Variants in SLIT3 observed in about 807,000 individuals in gnomAD.
SLIT3 encodes slit guidance ligand 3.
SLIT3 carries 68 observed loss-of-function variants against 184.0 expected under a neutral mutation model. The ratio of observed to expected loss-of-function variants is 0.37; its 90% CI spans 0.30 to 0.45. The LOEUF (loss-of-function observed/expected upper bound fraction) is 0.45. SLIT3 is among the 20% of genes least tolerant of loss of function. SLIT3 has a pLI of 1.00. For synonymous variants in SLIT3, 831 were observed against 828.6 expected (o/e 1.00, Z -0.05); for missense variants, 1,707 against 2,026.0 (o/e 0.84, Z 3.02).
At chr5:169,104,536 A>C (rs1216041505) in intron 4 of SLIT3, among the ~76,000 whole-genome samples, 1 of 152,218 alleles carries the variant, frequency 6.6e-6, no homozygotes, top group Non-Finnish European at 1.5e-5. Context: ...CATTGAATGC[A>C]TTGATGAACT....
chr5:168,912,823 T>C (rs1761296920), intron 4 of SLIT3, among the ~76,000 whole-genome samples: 1 of 152,120 alleles, frequency 6.6e-6, no homozygotes, highest in Non-Finnish European at 1.5e-5. Flanking sequence ...TCTGCACGGC[T>C]CCCTTACTTT....
chr5:169,102,823 T>C (rs1760067438), intron 4 of SLIT3, among the ~76,000 whole-genome samples: 3 of 152,184 alleles, frequency 2.0e-5, no homozygotes, highest in African/African-American at 7.2e-5. Flanking sequence ...TCCCGAAACA[T>C]CCTCACAGAA....
At chr5:169,113,192 A>T (rs1760474042) in intron 4 of SLIT3, among the ~76,000 whole-genome samples, 1 of 151,608 alleles carries the variant, frequency 6.6e-6, no homozygotes, top group South Asian at 2.1e-4. Context: ...AAAAACTGAG[A>T]CTCTGGACCC....
intron 4 of SLIT3, among the ~76,000 whole-genome samples, chr5:169,007,576 A>G (rs1755981629): frequency 1.3e-5 from 2 of 152,194 alleles, no homozygotes; most frequent in African/African-American, 4.8e-5. Context: ...TTAAGTGTGT[A>G]TTTTGGGTGT....
chr5:168,723,127 C>T (rs1762996891), intron 21 of SLIT3, 123 bp from the exon 22 acceptor site: 2 of 705,264 alleles, frequency 2.8e-6, no homozygotes, highest in Non-Finnish European at 2.6e-6. Flanking sequence ...ATCCACCCAC[C>T]TATTCATTAA....
chr5:169,090,699 GAC>G (rs1276326766), intron 4 of SLIT3, among the ~76,000 whole-genome samples: 1 of 152,212 alleles, frequency 6.6e-6, no homozygotes, highest in Non-Finnish European at 1.5e-5. Context: ...TTCATAGACA[GAC>G]ACACAGAAGA....
chr5:169,045,556 G>A (rs1336949944), intron 4 of SLIT3, among the ~76,000 whole-genome samples: 1 of 152,150 alleles, frequency 6.6e-6, no homozygotes. Context: ...TTCAATAGAT[G>A]ATTTTTACTG....
At chr5:169,060,891 A>C (rs1268170162) in intron 4 of SLIT3, among the ~76,000 whole-genome samples, 1 of 152,172 alleles carries the variant, frequency 6.6e-6, no homozygotes, top group Non-Finnish European at 1.5e-5. Context: ...GCTCATGCTG[A>C]ATCTCTTTTC....
At chr5:169,157,044 C>T (rs569070181) in intron 4 of SLIT3, among the ~76,000 whole-genome samples, 6 of 152,218 alleles carry the variant, frequency 3.9e-5, no homozygotes, top group Non-Finnish European at 7.4e-5. Flanking sequence ...TGGCCCCCCC[C>T]ACCTCCACCA....
intron 4 of SLIT3, among the ~76,000 whole-genome samples, chr5:169,005,952 C>T (rs1445337983): frequency 6.6e-6 from 1 of 152,256 alleles, no homozygotes; most frequent in Non-Finnish European, 1.5e-5. Context: ...CCCCAAAATG[C>T]CCATAGAAAA....
At chr5:169,159,134 C>G (rs978025107) in intron 4 of SLIT3, among the ~76,000 whole-genome samples, 1 of 152,024 alleles carries the variant, frequency 6.6e-6, no homozygotes, top group African/African-American at 2.4e-5. Context: ...CCTGTAATCC[C>G]AGCGTTTTGG....
chr5:168,674,731 A>G (rs549486427), intron 32 of SLIT3, among the ~76,000 whole-genome samples: 2 of 151,946 alleles, frequency 1.3e-5, no homozygotes, highest in Middle Eastern at 3.4e-3. Context: ...ACCTCACGTG[A>G]TCCACTTGCC....
chr5:168,735,479 AG>A (rs1763405637), intron 20 of SLIT3, among the ~76,000 whole-genome samples: 1 of 152,152 alleles, frequency 6.6e-6, no homozygotes, highest in South Asian at 2.1e-4. Context: ...CCCTGGGTGA[AG>A]TACTTAACCT....
chr5:169,209,235 A>T (rs1354174608), intron 3 of SLIT3, among the ~76,000 whole-genome samples: 2 of 152,252 alleles, frequency 1.3e-5, no homozygotes, highest in African/African-American at 2.4e-5. Flanking sequence ...AGAAATGCAA[A>T]TCAAAACCAC....
intron 23 of SLIT3, 128 bp downstream of exon 23, chr5:168,722,128 C>CTGGGT: frequency 5.2e-6 from 4 of 764,504 alleles, no homozygotes; most frequent in Non-Finnish European, 4.4e-6. Context: ...AATAAGGGTG[C>CTGGGT]TGGGTAGGAA....
At chr5:169,112,319 A>G (rs1204516529) in intron 4 of SLIT3, among the ~76,000 whole-genome samples, 1 of 152,208 alleles carries the variant, frequency 6.6e-6, no homozygotes, top group African/African-American at 2.4e-5. Flanking sequence ...CAGTTGGTGG[A>G]GAGACAGCAG....
intron 28 of SLIT3, among the ~76,000 whole-genome samples, chr5:168,694,935 T>C (rs1762009180): frequency 6.6e-6 from 1 of 152,210 alleles, no homozygotes; most frequent in Admixed American, 6.5e-5. Flanking sequence ...CAGATTTCCA[T>C]GCACTTTCTC....
chr5:169,132,344 C>T (rs1415174964), intron 4 of SLIT3, among the ~76,000 whole-genome samples: 3 of 152,116 alleles, frequency 2.0e-5, no homozygotes, highest in Non-Finnish European at 2.9e-5. Context: ...CATGCCAAGT[C>T]TGTATTTACA....
chr5:169,092,554 G>A (rs892218872), intron 4 of SLIT3, among the ~76,000 whole-genome samples: 2 of 152,184 alleles, frequency 1.3e-5, no homozygotes, highest in Admixed American at 6.5e-5. Flanking sequence ...GTAGTCAGGC[G>A]TGTGACCTAG....
Sources: gnomAD v4.1 joint callset for allele counts (sites outside exome capture counted in the v4.1 genomes callset) on GRCh38, gnomAD v4.1.1 for gene constraint, MANE v1.5 for transcripts, NCBI Gene and HGNC (gene_info 2026-07-23, HGNC 2026-07-21) for gene names.